Variants in TRERF1 observed in about 807,000 individuals in gnomAD.
TRERF1 encodes transcriptional-regulating factor 1.
TRERF1 carries 27 observed loss-of-function variants against 122.9 expected under a neutral mutation model. That is an observed-to-expected ratio of 0.22 (90% CI 0.16 to 0.30). TRERF1 has a LOEUF of 0.30. Among genes scored for constraint, TRERF1 ranks in the 10% least tolerant of loss-of-function variants. The probability of loss-of-function intolerance (pLI) is 1.00; values close to 1 mark genes in which losing one functional copy is unlikely to be tolerated. For missense variants in TRERF1, 1,248 were observed against 1,560.3 expected (o/e 0.80, Z 3.37); for synonymous variants, 636 against 641.7 (o/e 0.99, Z 0.13).
At chr6:42,339,556 A>T (rs957674364) in intron 3 of TRERF1, among the ~76,000 whole-genome samples, 20 of 152,240 alleles carry the variant, frequency 1.3e-4, no homozygotes, top group African/African-American at 4.1e-4. Flanking sequence ...AGCAAATTCT[A>T]TTATGTTGTT....
intron 4 of TRERF1, among the ~76,000 whole-genome samples, chr6:42,297,440 C>G (rs1785303360): frequency 6.6e-6 from 1 of 152,168 alleles, no homozygotes; most frequent in South Asian, 2.1e-4. Flanking sequence ...CCAATGACAG[C>G]AGCACAGGGT....
chr6:42,347,033 A>G (rs1019999864), intron 3 of TRERF1, among the ~76,000 whole-genome samples: 4 of 152,208 alleles, frequency 2.6e-5, no homozygotes, highest in African/African-American at 9.6e-5. Flanking sequence ...AATCACAGCC[A>G]CTATCCTTTA....
intron 2 of TRERF1, among the ~76,000 whole-genome samples, chr6:42,424,058 T>G (rs1184861759): frequency 6.6e-6 from 1 of 152,256 alleles, no homozygotes; most frequent in African/African-American, 2.4e-5. Flanking sequence ...TACATGTAGA[T>G]GTTGTTCATT....
chr6:42,323,065 G>GAAA (rs113799706), intron 3 of TRERF1, among the ~76,000 whole-genome samples: 2 of 145,090 alleles, frequency 1.4e-5, no homozygotes, highest in African/African-American at 2.5e-5. Context: ...CTATCTGAAT[G>GAAA]AAAAAAAAAA....
At chr6:42,425,832 T>A (rs893724809) in intron 2 of TRERF1, among the ~76,000 whole-genome samples, 1 of 147,652 alleles carries the variant, frequency 6.8e-6, no homozygotes, top group South Asian at 2.2e-4. Flanking sequence ...CGTGAGCCAG[T>A]GCCCCGCCGG....
chr6:42,252,880 T>C (rs1416315322), intron 13 of TRERF1, among the ~76,000 whole-genome samples: 2 of 152,166 alleles, frequency 1.3e-5, no homozygotes, highest in Non-Finnish European at 2.9e-5. Flanking sequence ...CTGGCAAACA[T>C]AGGTGAGTAT....
chr6:42,383,478 C>T (rs952947988), intron 2 of TRERF1, among the ~76,000 whole-genome samples: 5 of 152,124 alleles, frequency 3.3e-5, no homozygotes, highest in Admixed American at 1.3e-4. Flanking sequence ...TCCATCTCCC[C>T]ACCAACCCTT....
At chr6:42,406,056 T>C (rs1780139750) in intron 2 of TRERF1, among the ~76,000 whole-genome samples, 1 of 152,166 alleles carries the variant, frequency 6.6e-6, no homozygotes, top group African/African-American at 2.4e-5. Context: ...CCAAGCACTT[T>C]CCAGATACAA....
intron 3 of TRERF1, among the ~76,000 whole-genome samples, chr6:42,329,256 C>G (rs1314778644): frequency 2.0e-5 from 3 of 152,110 alleles, no homozygotes; most frequent in Non-Finnish European, 4.4e-5. Context: ...GTCCTAGTGG[C>G]CAACACTACT....
chr6:42,250,584 AC>A lies in TRERF1; in HGVS notation c.2657-4041del, dbSNP rs1001526960. ...TCAAATCCTCCCCTATCCTTCAACT[AC>A]CCCCCACACCCTCCCTTCTCTCTAG... On this transcript the variant is annotated intron_variant, in intron 13 of 17. Transcript: ENST00000372922. 1.8e-4 allele frequency among the ~76,000 whole-genome samples: 27 copies of A among 149,694 alleles called. No homozygotes were observed. The South Asian group carries it at 3.4e-3, about 19-fold the overall frequency.
chr6:42,449,450 A>G (rs989341991), intron 2 of TRERF1, among the ~76,000 whole-genome samples: 10 of 149,636 alleles, frequency 6.7e-5, no homozygotes, highest in Non-Finnish European at 1.5e-4. Flanking sequence ...CCGCAAGAAC[A>G]TTCTCGGTAG....
chr6:42,445,781 C>T (rs2151817496), intron 2 of TRERF1, among the ~76,000 whole-genome samples: 1 of 152,278 alleles, frequency 6.6e-6, no homozygotes, highest in African/African-American at 2.4e-5. Flanking sequence ...CCATGCACCT[C>T]CTTCGCCTCC....
chr6:42,313,616 C>G (rs1030856984), intron 3 of TRERF1, among the ~76,000 whole-genome samples: 1 of 152,104 alleles, frequency 6.6e-6, no homozygotes, highest in East Asian at 1.9e-4. Context: ...GGCCCCAGAA[C>G]AAGGAATTCC....
chr6:42,266,814 G>A (rs1305875028), intron 5 of TRERF1, among the ~76,000 whole-genome samples: 1 of 152,190 alleles, frequency 6.6e-6, no homozygotes, highest in East Asian at 1.9e-4. Flanking sequence ...GAACCGGCCT[G>A]CAGACATGTT....
chr6:42,315,907 G>A (rs1313626509), intron 3 of TRERF1, among the ~76,000 whole-genome samples: 1 of 152,082 alleles, frequency 6.6e-6, no homozygotes, highest in Non-Finnish European at 1.5e-5. Context: ...CTCCTTTCAG[G>A]GGAGAGGACC....
chr6:42,386,899 T>TG lies in TRERF1; in HGVS notation c.-453-23821dup, dbSNP rs1776904072. On this transcript the variant is annotated intron_variant, in intron 2 of 17. Coordinates refer to ENST00000372922, the Ensembl canonical transcript of TRERF1. ...CAGGCTGATCATTCTTTGTTGGAGA[T>TG]GGGGTTCCTGTACATGTAGGATGTT... Among the ~76,000 whole-genome samples, 3 of 152,324 alleles carry TG rather than the reference T, an allele frequency of 2.0e-5. No individual in the cohort carries two copies. The South Asian group carries it at 6.2e-4, about 32-fold the overall frequency.
intron 3 of TRERF1, among the ~76,000 whole-genome samples, chr6:42,306,385 T>A (rs1281094259): frequency 6.6e-6 from 1 of 152,146 alleles, no homozygotes; most frequent in East Asian, 1.9e-4. Flanking sequence ...AGGAAGGGGA[T>A]CCTGCCCAGA....
chr6:42,330,832 A>G lies in TRERF1; in HGVS notation c.-370-30083T>C, dbSNP rs563465447. On this transcript the variant is annotated intron_variant, in intron 3 of 17. Transcript: ENST00000372922. ...CAGGTGCATGCCATGGTGCCCAGCTAATTTATTTATTTATTTTTGTATTTT... is the reference window on the plus strand; with the variant it reads ...CAGGTGCATGCCATGGTGCCCAGCTGATTTATTTATTTATTTTTGTATTTT... Among the ~76,000 whole-genome samples, 4 of 152,048 alleles carry G rather than the reference A, an allele frequency of 2.6e-5. No homozygotes were observed. In the South Asian group the frequency reaches 8.3e-4, roughly 32 times the overall value.
intron 3 of TRERF1, among the ~76,000 whole-genome samples, chr6:42,328,423 G>T (rs1158689663): frequency 6.6e-6 from 1 of 152,128 alleles, no homozygotes; most frequent in Non-Finnish European, 1.5e-5. Context: ...GAGGTTTGTT[G>T]TGCAGATTAT....
Sources: allele counts gnomAD v4.1 joint callset (sites outside exome capture counted in the v4.1 genomes callset), GRCh38; gene constraint gnomAD v4.1.1; transcripts MANE v1.5; gene names NCBI Gene and HGNC (gene_info 2026-07-23, HGNC 2026-07-21).